The following ACVR1C variants were observed in gnomAD, a reference collection of about 807,000 sequenced individuals.
The protein encoded by ACVR1C is activin A receptor type 1C.
ACVR1C carries 23 observed loss-of-function variants against 57.9 expected under a neutral mutation model. The observed-to-expected ratio is 0.40, with a 90% CI of 0.29 to 0.56. The LOEUF is 0.56. Among genes scored for constraint, ACVR1C ranks in the 20% least tolerant of loss-of-function variants. The pLI is 0.50. For missense variants in ACVR1C, 480 were observed against 607.9 expected (o/e 0.79, Z 2.21); for synonymous variants, 214 against 215.3 (o/e 0.99, Z 0.05).
At chr2:157,618,658 T>A (rs1306513152) in intron 1 of ACVR1C, among the ~76,000 whole-genome samples, 1 of 151,618 alleles carries the variant, frequency 6.6e-6, no homozygotes, top group Non-Finnish European at 1.5e-5. Context: ...AGTAACTATA[T>A]CAATAGTTTA....
Position 157,598,879 on chromosome 2 carries a change from G to A in ACVR1C, c.74-11462C>T, listed in dbSNP as rs549870217. On this transcript the variant is annotated intron_variant, in intron 1 of 8. Coordinates refer to ENST00000243349, the MANE Select transcript of ACVR1C (RefSeq NM_145259.3). ...AATACAAATTATTAATCTGGGGGTT[G>A]ACTGCATCAGAAAGTGGAGCTGAGT... Among the ~76,000 whole-genome samples, 9 of 152,152 alleles carry A rather than the reference G, an allele frequency of 5.9e-5. No homozygotes were observed. The South Asian group carries it at 1.7e-3, about 28-fold the overall frequency.
Position 157,533,097 on chromosome 2 carries a change from T to C in ACVR1C, c.*821A>G, listed in dbSNP as rs1687394919. ...CAATATGCCTTCTAAACCACAAATA[T>C]CATAATAAAAGATATTACATAGGGA... On this transcript the variant is annotated 3_prime_UTR_variant, in exon 9 of 9. Transcript: ENST00000243349. 1 of 152,124 alleles carries C rather than the reference T, an allele frequency of 6.6e-6. No individual in the cohort carries two copies. Among genetic ancestry groups the C allele is most frequent in the African/African-American group, 2.4e-5 (1 of 41,414 alleles). The allele number at this position is 152,124 out of a possible 1,614,324, so 9.4% of individuals were successfully genotyped here.
chr2:157,553,326 G>A (rs1687965095), intron 3 of ACVR1C, among the ~76,000 whole-genome samples: 1 of 151,992 alleles, frequency 6.6e-6, no homozygotes, highest in Admixed American at 6.6e-5. Context: ...ACTGGCTTTG[G>A]GGGAAAAATG....
rs374974140 is a variant in ACVR1C at position 157,542,699 on chromosome 2, G to A, written c.1100+7C>T. ...TCTTACTATGCTACCCAAGTCAGTC[G>A]TCTTACCTCTTGGTTCCCACTTTAG... is the stretch of plus-strand genomic sequence containing the variant. On this transcript the variant is annotated splice_region_variant and intron_variant, in intron 6 of 8. Transcript: ENST00000243349. 1.4e-5 allele frequency: 23 copies of A among 1,611,340 alleles called. No homozygotes were observed. Among genetic ancestry groups the A allele is most frequent in the African/African-American group, 4.0e-5 (3 of 74,744 alleles).
At chr2:157,579,986 C>G (rs562185268) in intron 2 of ACVR1C, among the ~76,000 whole-genome samples, 2 of 152,164 alleles carry the variant, frequency 1.3e-5, no homozygotes, top group African/African-American at 2.4e-5. Context: ...TATGCCCTTT[C>G]ATTCTTTTTC....
At chr2:157,574,647 C>T (rs1688600677) in intron 2 of ACVR1C, among the ~76,000 whole-genome samples, 1 of 152,086 alleles carries the variant, frequency 6.6e-6, no homozygotes. Context: ...GGTAGACTTG[C>T]TTTGCTGCCT....
At chr2:157,565,579 G>T (rs1020348519) in intron 2 of ACVR1C, among the ~76,000 whole-genome samples, 1 of 152,168 alleles carries the variant, frequency 6.6e-6, no homozygotes, top group African/African-American at 2.4e-5. Flanking sequence ...AAGGACAGAA[G>T]ATTTTCTAAT....
chr2:157,597,534 C>G (rs1360404362), intron 1 of ACVR1C: 1 of 985,314 alleles, frequency 1.0e-6, no homozygotes, highest in African/African-American at 1.7e-5. Flanking sequence ...CCGCGGGGCT[C>G]GGCCACCTGC....
intron 3 of ACVR1C, among the ~76,000 whole-genome samples, chr2:157,554,221 A>AAGAAAGAAAGAAAGAGAGAG (rs1558974881): frequency 1.8e-5 from 2 of 112,778 alleles, no homozygotes; most frequent in African/African-American, 8.6e-5. Context: ...GAAAGAAAGA[A>AAGAAAGAAAGAAAGAGAGAG]AGAAAGAAAG....
chr2:157,587,511 A>C (rs1187564385), intron 1 of ACVR1C, 94 bp from the exon 2 acceptor site: 2 of 986,152 alleles, frequency 2.0e-6, no homozygotes, highest in Non-Finnish European at 3.1e-6. Flanking sequence ...TCTTAATGAA[A>C]ATGGAAAAAG....
intron 1 of ACVR1C, among the ~76,000 whole-genome samples, chr2:157,601,438 C>A (rs1682278941): frequency 6.6e-6 from 1 of 151,472 alleles, no homozygotes; most frequent in Non-Finnish European, 1.5e-5. Context: ...TTGCAGCTGC[C>A]CAAATATATT....
rs1687648719 is a variant in ACVR1C, at chr2:157,542,640, A to T, written c.1100+66T>A. 2.6e-6 allele frequency: 4 copies of T among 1,534,766 alleles called. No individual in the cohort carries two copies. In the East Asian group the frequency reaches 6.9e-5, roughly 27 times the overall value. The stretch of plus-strand genomic sequence containing the variant: ...TTGGACCTGAGCCTCCTCCACACAC[A>T]TGAGGACATTCATGCTTATTGGGCA... On this transcript the variant is annotated intron_variant, in intron 6 of 8. Transcript: ENST00000243349.
intron 2 of ACVR1C, among the ~76,000 whole-genome samples, chr2:157,580,494 T>A (rs1688763925): frequency 6.6e-6 from 1 of 152,172 alleles, no homozygotes; most frequent in African/African-American, 2.4e-5. Flanking sequence ...GCCAGCATCA[T>A]TTCAAAAATA....
chr2:157,536,876 G>A (rs1179563422), intron 8 of ACVR1C, among the ~76,000 whole-genome samples: 1 of 152,116 alleles, frequency 6.6e-6, no homozygotes, highest in Admixed American at 6.5e-5. Flanking sequence ...GTTCACACTA[G>A]AATGACTATG....
intron 1 of ACVR1C, chr2:157,597,318 G>GGA: frequency 1.0e-6 from 1 of 984,178 alleles, no homozygotes; most frequent in African/African-American, 1.7e-5. Flanking sequence ...ACCCCAAAAA[G>GGA]GACCTTGGCA....
At chr2:157,611,632 G>T (rs1188262508) in intron 1 of ACVR1C, among the ~76,000 whole-genome samples, 3 of 152,192 alleles carry the variant, frequency 2.0e-5, no homozygotes, top group Non-Finnish European at 1.5e-5. Flanking sequence ...GTGTGTGCTG[G>T]TGTTGGCAGT....
intron 2 of ACVR1C, among the ~76,000 whole-genome samples, chr2:157,584,801 G>A (rs894903738): frequency 2.6e-5 from 4 of 152,186 alleles, no homozygotes; most frequent in South Asian, 2.1e-4. Flanking sequence ...ACAGCTTTGC[G>A]AATAACAGCC....
chr2:157,604,493 G>T (rs933695017), intron 1 of ACVR1C, among the ~76,000 whole-genome samples: 3 of 151,800 alleles, frequency 2.0e-5, no homozygotes, highest in African/African-American at 4.8e-5. Flanking sequence ...AGGACATTTG[G>T]TTTTTTCCCA....
At chr2:157,576,135 C>T (rs1218488082) in intron 2 of ACVR1C, among the ~76,000 whole-genome samples, 1 of 151,818 alleles carries the variant, frequency 6.6e-6, no homozygotes, top group Non-Finnish European at 1.5e-5. Context: ...CTGAGAAATC[C>T]CCACATGATC....
Sources: allele counts gnomAD v4.1 joint callset (sites outside exome capture counted in the v4.1 genomes callset), GRCh38; gene constraint gnomAD v4.1.1; transcripts MANE v1.5; gene names NCBI Gene and HGNC (gene_info 2026-07-23, HGNC 2026-07-21).